DNM2: variants seen among roughly 807,000 people sequenced by gnomAD.
DNM2 encodes dynamin-2.
A neutral mutation model predicts 99.0 loss-of-function variants in DNM2; 15 were observed. That is an observed-to-expected ratio of 0.15 (90% CI 0.10 to 0.23). The LOEUF is 0.23. Among genes scored for constraint, DNM2 ranks in the 10% least tolerant of loss-of-function variants. The pLI is 1.00. For synonymous variants in DNM2, 525 were observed against 481.2 expected (o/e 1.09, Z -1.19); for missense variants, 742 against 1,189.4 (o/e 0.62, Z 5.53).
In DNM2 at chr19:10,831,867, A is replaced by G; in HGVS notation, c.*820A>G. On this transcript the variant is annotated 3_prime_UTR_variant, in exon 21 of 21. Coordinates refer to ENST00000389253, the MANE Select transcript of DNM2 (RefSeq NM_001005361.3). This position sits in a 1 kb window ranked among gnomAD's most constrained non-coding sequence, Gnocchi z 4.3. The stretch of plus-strand genomic sequence containing the variant: ...TGTAAGTGCCTGCACTCTGTATTCT[A>G]TTAATAAACTAAAATAAAGGGAAGA... 2.9e-6 allele frequency: 3 copies of G among 1,021,928 alleles called. No homozygotes were observed. Among genetic ancestry groups the G allele is most frequent in the Non-Finnish European group, 3.5e-6 (3 of 851,652 alleles). The allele number at this position is 1,021,928 out of a possible 1,614,324, so 63.3% of individuals were successfully genotyped here.
At chr19:10,784,633 G>A (rs1172669673) in intron 6 of DNM2, among the ~76,000 whole-genome samples, 4 of 152,084 alleles carry the variant, frequency 2.6e-5, no homozygotes, top group African/African-American at 4.8e-5. Flanking sequence ...GAAGGCCAGC[G>A]TAGCTCCCTG....
At chr19:10,790,833 C>G (rs902248895) in intron 7 of DNM2, among the ~76,000 whole-genome samples, 3 of 152,112 alleles carry the variant, frequency 2.0e-5, no homozygotes, top group Non-Finnish European at 4.4e-5. Context: ...GTGGTGCAAT[C>G]CCGGCTCACC....
intron 1 of DNM2, among the ~76,000 whole-genome samples, chr19:10,744,769 CTT>C (rs1160449019): frequency 6.6e-6 from 1 of 152,146 alleles, no homozygotes; most frequent in African/African-American, 2.4e-5. Context: ...ATGGGAGAGA[CTT>C]TGCTAACAAG....
Position 10,725,393 on chromosome 19 carries a change from C to T in DNM2, c.161+6990C>T, listed in dbSNP as rs938781548. ...CCCAGGAGGAGGAACTTGCAGTAAG[C>T]GGAGATCACGCCATTGCACTCCAGC... On this transcript the variant is annotated intron_variant, in intron 1 of 20. Transcript: ENST00000389253. Among the ~76,000 whole-genome samples, 23 of 148,006 alleles carry T rather than the reference C, an allele frequency of 1.6e-4. No homozygotes were observed. In the East Asian group the frequency reaches 3.2e-3, roughly 20 times the overall value.
At position 10,825,043 on chromosome 19, in the gene DNM2, C is replaced by T. The variant is rs771817059; in HGVS notation, c.1894-14C>T. 4 of 1,613,878 alleles carry T rather than the reference C, an allele frequency of 2.5e-6. No individual in the cohort carries two copies. Among genetic ancestry groups the T allele is most frequent in the South Asian group, 1.1e-5 (1 of 91,064 alleles). Reference sequence around the variant, plus strand: ...GCCACAGTCACCCCTCAGCACCTCCCCTCCCGCTTGCAGGCAGAAAACGAG... The same window carrying T: ...GCCACAGTCACCCCTCAGCACCTCCTCTCCCGCTTGCAGGCAGAAAACGAG... On this transcript the variant is annotated splice_polypyrimidine_tract_variant and intron_variant, in intron 17 of 20. Transcript: ENST00000389253.
At chr19:10,815,959 C>T (rs1437555541) in intron 15 of DNM2, among the ~76,000 whole-genome samples, 1 of 152,160 alleles carries the variant, frequency 6.6e-6, no homozygotes, top group East Asian at 1.9e-4. Flanking sequence ...GACCCCTGCT[C>T]TGTGCTGGGC....
chr19:10,786,825 G>A, intron 7 of DNM2, 119 bp downstream of exon 7: 1 of 1,542,390 alleles, frequency 6.5e-7, no homozygotes, highest in Non-Finnish European at 8.8e-7. Context: ...GCAGACACTT[G>A]CTGCAAGCCT....
chr19:10,817,836 C>T lies in DNM2; in HGVS notation c.1672-2144C>T, dbSNP rs768581047. ...GTGTGTGCGCGCGCGCGCACGCGTG[C>T]GTGCCGGCAGCACCAGGAAGGCGGC... On this transcript the variant is annotated intron_variant, in intron 15 of 20. Coordinates refer to ENST00000389253, the MANE Select transcript of DNM2 (RefSeq NM_001005361.3). This position sits in a 1 kb window ranked among gnomAD's most constrained non-coding sequence, Gnocchi z 4.6. Among the ~76,000 whole-genome samples the T allele has an allele frequency of 5.9e-4, 89 of 150,322 alleles. No individual in the cohort carries two copies. The highest frequency in any genetic ancestry group is 1.1e-3 in the Non-Finnish European group (72 of 67,516).
chr19:10,748,796 G>C (rs746039764), intron 1 of DNM2, among the ~76,000 whole-genome samples: 9 of 152,180 alleles, frequency 5.9e-5, no homozygotes, highest in Non-Finnish European at 1.5e-5. Context: ...ACCCCTCTGG[G>C]GTTGTCAGAG....
intron 1 of DNM2, among the ~76,000 whole-genome samples, chr19:10,724,481 G>C (rs558444895): frequency 2.6e-4 from 40 of 152,234 alleles, no homozygotes; most frequent in African/African-American, 9.1e-4. Flanking sequence ...CTGGCCAGAG[G>C]GGGTACATTT....
At chr19:10,745,483 G>T (rs2069932294) in intron 1 of DNM2, among the ~76,000 whole-genome samples, 1 of 152,164 alleles carries the variant, frequency 6.6e-6, no homozygotes, top group Admixed American at 6.6e-5. Flanking sequence ...CCAGGGCTTT[G>T]GGAGGCTGAG....
At chr19:10,824,008 C>T in intron 17 of DNM2, 109 bp downstream of exon 17, 1 of 1,051,062 alleles carries the variant, frequency 9.5e-7, no homozygotes, top group Non-Finnish European at 1.4e-6. Flanking sequence ...CCAGGAGTCT[C>T]TGAAATCATG....
chr19:10,774,333 CA>C (rs1389677793), intron 3 of DNM2, among the ~76,000 whole-genome samples: 1 of 152,142 alleles, frequency 6.6e-6, no homozygotes, highest in Non-Finnish European at 1.5e-5. Context: ...AATGTGTAAG[CA>C]AAAAACATGT....
chr19:10,731,023 C>G (rs935357626), intron 1 of DNM2, among the ~76,000 whole-genome samples: 1 of 152,180 alleles, frequency 6.6e-6, no homozygotes, highest in African/African-American at 2.4e-5. Flanking sequence ...GGAGCCTGCC[C>G]TGTGACACAC....
chr19:10,745,927 C>A (rs1336984156), intron 1 of DNM2, among the ~76,000 whole-genome samples: 2 of 152,106 alleles, frequency 1.3e-5, no homozygotes, highest in East Asian at 3.9e-4. Flanking sequence ...GTGCAAAGGC[C>A]CTGCGACAGC....
chr19:10,718,149 G>T lies in DNM2; in HGVS notation c.-94G>T. On this transcript the variant is annotated 5_prime_UTR_variant, in exon 1 of 21. Coordinates refer to ENST00000389253, the MANE Select transcript of DNM2 (RefSeq NM_001005361.3). ...CGTCTTGCCGAGGCCCGGGCGGGCGGGGAGCAACGGCTACAGACGCCGCGG... is the reference window on the plus strand; with the variant it reads ...CGTCTTGCCGAGGCCCGGGCGGGCGTGGAGCAACGGCTACAGACGCCGCGG... The T allele has an allele frequency of 7.2e-6, 9 of 1,244,726 alleles. No individual in the cohort carries two copies. In the South Asian group the frequency reaches 2.4e-4, roughly 34 times the overall value. The allele number at this position is 1,244,726 out of a possible 1,614,324, so 77.1% of individuals were successfully genotyped here.
At position 10,796,284 on chromosome 19, in the gene DNM2, G is replaced by T. The variant is rs1412582864; in HGVS notation, c.1196+845G>T. On this transcript the variant is annotated intron_variant, in intron 9 of 20. Coordinates refer to ENST00000389253, the MANE Select transcript of DNM2 (RefSeq NM_001005361.3). The surrounding 1 kb of genome is among the most constrained non-coding windows in gnomAD (Gnocchi z 5.6). ...GTATCAGGCTCCCAGCGCCTCATTG[G>T]CCCCCACTGGTGCCTTTTCTCCCCA... is the stretch of plus-strand genomic sequence containing the variant. 3.1e-6 allele frequency: 5 copies of T among 1,592,478 alleles called. No homozygotes were observed. In the African/African-American group the frequency reaches 5.4e-5, roughly 17 times the overall value.
intron 18 of DNM2, among the ~76,000 whole-genome samples, chr19:10,826,615 G>T (rs1323577317): frequency 6.6e-6 from 1 of 152,232 alleles, no homozygotes; most frequent in Non-Finnish European, 1.5e-5. Flanking sequence ...GGCCGGAGCA[G>T]TGGCTCATGC....
intron 3 of DNM2, among the ~76,000 whole-genome samples, chr19:10,773,639 T>G (rs2071057182): frequency 6.6e-6 from 1 of 151,882 alleles, no homozygotes; most frequent in Admixed American, 6.6e-5. Context: ...TTTTATTTTT[T>G]TTATTTTTAG....
Sources: gnomAD v4.1 joint callset for allele counts (sites outside exome capture counted in the v4.1 genomes callset) on GRCh38, gnomAD v4.1.1 for gene constraint, Gnocchi (gnomAD v3.1) non-coding constraint, MANE v1.5 for transcripts, NCBI Gene and HGNC (gene_info 2026-07-23, HGNC 2026-07-21) for gene names.